Variants in N4BP2 observed in about 807,000 individuals in gnomAD.
The protein encoded by N4BP2 is NEDD4-binding protein 2.
N4BP2 carries 91 observed loss-of-function variants against 152.8 expected under a neutral mutation model. That is an observed-to-expected ratio of 0.60 (90% CI 0.50 to 0.71). N4BP2 has a LOEUF of 0.71. N4BP2 is among the 30% of genes least tolerant of loss of function. The probability of loss-of-function intolerance (pLI) is 0.00; values close to 1 mark genes in which losing one functional copy is unlikely to be tolerated. For synonymous variants in N4BP2, 646 were observed against 705.3 expected (o/e 0.92, Z 1.33); for missense variants, 1,923 against 2,059.1 (o/e 0.93, Z 1.28).
At chr4:40,169,870 C>T in the N4BP2 span, among the ~76,000 whole-genome samples, 6 of 149,378 alleles carry the variant, frequency 4.0e-5, no homozygotes, top group African/African-American at 1.2e-4. Context: ...GAGGCTGAGG[C>T]AGAGAATTGC....
intron 9 of N4BP2, among the ~76,000 whole-genome samples, chr4:40,122,629 T>C (rs932466818): frequency 6.6e-6 from 1 of 152,236 alleles, no homozygotes; most frequent in East Asian, 1.9e-4. Flanking sequence ...TAGTGCCTTA[T>C]TTTTGACACA....
chr4:40,065,407 A>G (rs148185596), intron 1 of N4BP2, among the ~76,000 whole-genome samples: 2 of 152,224 alleles, frequency 1.3e-5, no homozygotes, highest in Non-Finnish European at 2.9e-5. Flanking sequence ...CATTGAAGCC[A>G]TGGGTTTGAA....
At chr4:40,076,486 C>CA (rs1489573132) in intron 2 of N4BP2, among the ~76,000 whole-genome samples, 3 of 152,012 alleles carry the variant, frequency 2.0e-5, no homozygotes, top group Non-Finnish European at 4.4e-5. Flanking sequence ...AAAAAAAACC[C>CA]AAAAATATCT....
At chr4:40,140,581 CT>C (rs112650568) in intron 14 of N4BP2, among the ~76,000 whole-genome samples, 1 of 151,564 alleles carries the variant, frequency 6.6e-6, no homozygotes, top group African/African-American at 2.4e-5. Context: ...CACTTATTCT[CT>C]TTTTTTTTAA....
At chr4:40,104,482 C>G (rs188338243) in intron 4 of N4BP2, among the ~76,000 whole-genome samples, 3 of 151,830 alleles carry the variant, frequency 2.0e-5, no homozygotes, top group East Asian at 1.9e-4. Flanking sequence ...TGCTGATACA[C>G]TTATAAGCAT....
At chr4:40,087,144 A>G (rs1444916141) in intron 2 of N4BP2, among the ~76,000 whole-genome samples, 1 of 152,098 alleles carries the variant, frequency 6.6e-6, no homozygotes, top group Non-Finnish European at 1.5e-5. Flanking sequence ...TTCTATAGAT[A>G]TGGAGTCAAG....
At position 40,120,906 on chromosome 4, in the gene N4BP2, G is replaced by A; in HGVS notation, c.2795G>A (p.Gly932Asp). Residue 932 changes from glycine to aspartate, a missense_variant, in exon 9 of 18, where the codon GGC (glycine) becomes GAC (aspartate). Physicochemically the swap from Gly to Asp is moderately conservative, Grantham distance 94. Coordinates refer to ENST00000261435, the MANE Select transcript of N4BP2 (RefSeq NM_018177.6). ...SLSTAHEACWGTSSQKLKTLG... is the reference protein window; with the variant it reads ...SLSTAHEACWDTSSQKLKTLG... The stretch of plus-strand genomic sequence containing the variant: ...TCTACAGCACATGAGGCCTGTTGGG[G>A]CACAAGCTCTCAAAAACTAAAGACA... 1 of 1,614,040 alleles carries A rather than the reference G, an allele frequency of 6.2e-7. No individual in the cohort carries two copies. Among genetic ancestry groups the A allele is most frequent in the Non-Finnish European group, 8.5e-7 (1 of 1,179,978 alleles).
At chr4:40,063,544 C>G (rs1418197277) in intron 1 of N4BP2, among the ~76,000 whole-genome samples, 1 of 152,054 alleles carries the variant, frequency 6.6e-6, no homozygotes, top group Non-Finnish European at 1.5e-5. Context: ...CAGAGCAGAC[C>G]TTGAGTAGGG....
chr4:40,075,502 A>T (rs1306566798), intron 2 of N4BP2, among the ~76,000 whole-genome samples: 1 of 152,022 alleles, frequency 6.6e-6, no homozygotes, highest in Admixed American at 6.6e-5. Context: ...AGTTAAAGTG[A>T]TTCTTCTGCC....
chr4:40,142,622 GT>G (rs550086644), intron 14 of N4BP2, 50 bp from the exon 15 acceptor site: 2,702 of 1,214,846 alleles, frequency 2.2e-3, no homozygotes, highest in South Asian at 3.3e-3. Context: ...TAAGGCATGA[GT>G]TTTTTTTTTA....
intron 2 of N4BP2, among the ~76,000 whole-genome samples, chr4:40,095,809 G>T (rs151207412): frequency 2.0e-5 from 3 of 152,246 alleles, no homozygotes; most frequent in Non-Finnish European, 4.4e-5. Context: ...GTATATCAAG[G>T]GCTAGCAGAG....
rs1348752987 is a variant in N4BP2 at position 40,154,400 on chromosome 4, A to AT, written c.*169dup. The AT allele has an allele frequency of 3.4e-5, 17 of 496,726 alleles. No homozygotes were observed. The highest frequency in any genetic ancestry group is 4.9e-5 in the Non-Finnish European group (14 of 287,300). The allele number at this position is 496,726 out of a possible 1,614,324, so 30.8% of individuals were successfully genotyped here. On this transcript the variant is annotated 3_prime_UTR_variant, in exon 18 of 18. Coordinates refer to ENST00000261435, the MANE Select transcript of N4BP2 (RefSeq NM_018177.6). The stretch of plus-strand genomic sequence containing the variant: ...TTTTTCAAAATGCAAGTGAGGTTTG[A>AT]TTTTTTACTGAATCAAATGCAAATG...
At chr4:40,124,371 G>A (rs1718205747) in intron 11 of N4BP2, among the ~76,000 whole-genome samples, 166 bp downstream of exon 11, 2 of 151,918 alleles carry the variant, frequency 1.3e-5, no homozygotes, top group South Asian at 4.1e-4. Context: ...TTTAGAGATG[G>A]AGTCTTGCTC....
rs34768159 is a variant in N4BP2 at position 40,067,054 on chromosome 4, C to CT, written c.-211-6380dup. ...ATGTTGCAGCATATGACCTAATTTC[C>CT]TTTTTTTTTTTTTTTTTTTTTGAGA... On this transcript the variant is annotated intron_variant, in intron 1 of 17. Transcript: ENST00000261435. Among the ~76,000 whole-genome samples, 182 of 91,598 alleles carry CT rather than the reference C, an allele frequency of 2.0e-3. 1 individual carries two copies. The highest frequency in any genetic ancestry group is 2.2e-3 in the Admixed American group (16 of 7,290). The allele number at this position is 91,598 out of a possible 152,430, so 60.1% of individuals were successfully genotyped here.
At chr4:40,103,270 C>A (rs1715888071) in intron 4 of N4BP2, 52 bp downstream of exon 4, 6 of 1,470,538 alleles carry the variant, frequency 4.1e-6, no homozygotes, top group Non-Finnish European at 4.6e-6. Context: ...TGAATTTGAA[C>A]ACAAGTATGA....
chr4:40,175,147 A>G, the N4BP2 span, among the ~76,000 whole-genome samples: 1 of 151,778 alleles, frequency 6.6e-6, no homozygotes, highest in African/African-American at 2.4e-5. Context: ...CAGCCTCCCT[A>G]GTAGCTGGGA....
At chr4:40,101,956 C>T (rs2109961031) in intron 3 of N4BP2, 119 bp from the exon 4 acceptor site, 1 of 550,910 alleles carries the variant, frequency 1.8e-6, no homozygotes, top group Middle Eastern at 5.2e-4. Flanking sequence ...GAATATTGTA[C>T]ATTTATATTC....
At chr4:40,161,887 A>T (rs907285925), downstream of N4BP2, among the ~76,000 whole-genome samples, 3 of 152,334 alleles carry the variant, frequency 2.0e-5, no homozygotes, top group African/African-American at 7.2e-5. Flanking sequence ...TAACCTGCAT[A>T]GTAGCTGCTA....
chr4:40,104,866 G>T (rs1716090825), intron 4 of N4BP2, among the ~76,000 whole-genome samples: 1 of 150,634 alleles, frequency 6.6e-6, no homozygotes. Flanking sequence ...GTGCAGTGGT[G>T]CGATCTCGGC....
Sources: gnomAD v4.1 joint callset for allele counts (sites outside exome capture counted in the v4.1 genomes callset) on GRCh38, gnomAD v4.1.1 for gene constraint, MANE v1.5 for transcripts, NCBI Gene and HGNC (gene_info 2026-07-23, HGNC 2026-07-21) for gene names.